CCDC138: variants seen among roughly 807,000 people sequenced by gnomAD.
CCDC138 encodes coiled-coil domain containing 138.
A neutral mutation model predicts 82.3 loss-of-function variants in CCDC138; 66 were observed. The ratio of observed to expected loss-of-function variants is 0.80; its 90% CI spans 0.66 to 0.98. CCDC138 has a LOEUF of 0.98. Ranked by LOEUF, CCDC138 falls within the 50% of genes least tolerant of loss-of-function variation. The pLI is 0.00. For missense variants in CCDC138, 816 were observed against 758.9 expected (o/e 1.08, Z -0.88); for synonymous variants, 297 against 265.4 (o/e 1.12, Z -1.16).
At chr2:108,871,667 A>G (rs911826342) in intron 13 of CCDC138, among the ~76,000 whole-genome samples, 14 of 152,328 alleles carry the variant, frequency 9.2e-5, no homozygotes, top group Middle Eastern at 6.8e-3. Context: ...CATTTTAACC[A>G]TTTTTTAATT....
intron 7 of CCDC138, among the ~76,000 whole-genome samples, chr2:108,809,353 A>T (rs1683384846): frequency 6.6e-6 from 1 of 151,686 alleles, no homozygotes; most frequent in African/African-American, 2.4e-5. Context: ...TCTGTGAAGG[A>T]TGTTGTTGGT....
At chr2:108,793,690 G>A (rs1680338743) in intron 4 of CCDC138, among the ~76,000 whole-genome samples, 1 of 151,426 alleles carries the variant, frequency 6.6e-6, no homozygotes, top group African/African-American at 2.4e-5. Flanking sequence ...TCCGCCTCCC[G>A]GATTCACGCC....
chr2:108,837,459 C>T lies in CCDC138; in HGVS notation c.1207-1726C>T, dbSNP rs946493187. Among the ~76,000 whole-genome samples the T allele has an allele frequency of 4.6e-5, 7 of 151,652 alleles. No homozygotes were observed. The East Asian group carries it at 5.8e-4, about 13-fold the overall frequency. On this transcript the variant is annotated intron_variant, in intron 10 of 14. Coordinates refer to ENST00000295124, the MANE Select transcript of CCDC138 (RefSeq NM_144978.3). Reference sequence around the variant, plus strand: ...AATGATGTTTAAGACAATGGTAGACCGTATATATGATGGTGGTCCCATAAT... The same window carrying T: ...AATGATGTTTAAGACAATGGTAGACTGTATATATGATGGTGGTCCCATAAT...
intron 10 of CCDC138, among the ~76,000 whole-genome samples, chr2:108,831,089 C>T (rs1007184753): frequency 4.6e-5 from 7 of 151,954 alleles, no homozygotes; most frequent in East Asian, 1.9e-4. Context: ...GCACCAGAAT[C>T]GCTTAAACCC....
intron 4 of CCDC138, among the ~76,000 whole-genome samples, chr2:108,793,251 G>A (rs1487023300): frequency 6.6e-6 from 1 of 151,192 alleles, no homozygotes; most frequent in Non-Finnish European, 1.5e-5. Flanking sequence ...TGTAGTCCCA[G>A]CTGCTCGGGA....
chr2:108,844,648 A>C (rs1025740936), intron 11 of CCDC138, among the ~76,000 whole-genome samples: 1 of 152,174 alleles, frequency 6.6e-6, no homozygotes, highest in Admixed American at 6.5e-5. Flanking sequence ...TTGTTTCAGC[A>C]AAAGTTTTAA....
intron 9 of CCDC138, among the ~76,000 whole-genome samples, chr2:108,813,545 TTA>T (rs1684262441): frequency 6.6e-6 from 1 of 152,342 alleles, no homozygotes; most frequent in East Asian, 1.9e-4. Context: ...GCATTTGCTA[TTA>T]TATTTCAGTC....
intron 10 of CCDC138, among the ~76,000 whole-genome samples, chr2:108,835,525 C>G (rs1688430415): frequency 6.6e-6 from 1 of 152,164 alleles, no homozygotes; most frequent in Non-Finnish European, 1.5e-5. Flanking sequence ...ATATTTTTCA[C>G]AAAGTATTGG....
chr2:108,788,823 A>G (rs775446330), intron 2 of CCDC138, 29 bp from the exon 3 acceptor site: 4 of 1,613,658 alleles, frequency 2.5e-6, no homozygotes, highest in East Asian at 4.5e-5. Context: ...TGTTGTGGTA[A>G]TCTTTCATGG....
chr2:108,814,535 A>G (rs1296429716), intron 9 of CCDC138, among the ~76,000 whole-genome samples: 2 of 151,982 alleles, frequency 1.3e-5, no homozygotes, highest in African/African-American at 2.4e-5. Flanking sequence ...TAATGCTACT[A>G]TTTATCATTT....
In CCDC138 at chr2:108,856,778, C is replaced by T. The variant is rs1390900803; in HGVS notation, c.1517-16C>T. ...ACTAGCAAAACTGCAGTTGATTGTA[C>T]ATAACTATTTTCCAGCTGATTACCT... On this transcript the variant is annotated splice_polypyrimidine_tract_variant and intron_variant, in intron 12 of 14. Coordinates refer to ENST00000295124, the MANE Select transcript of CCDC138 (RefSeq NM_144978.3). The T allele has an allele frequency of 1.2e-6, 2 of 1,608,616 alleles. No homozygotes were observed. The highest frequency in any genetic ancestry group is 2.7e-5 in the African/African-American group (2 of 74,414).
intron 7 of CCDC138, among the ~76,000 whole-genome samples, chr2:108,811,715 C>A (rs562698523): frequency 6.6e-6 from 1 of 152,212 alleles, no homozygotes; most frequent in Non-Finnish European, 1.5e-5. Context: ...ACTCTTCACT[C>A]AAATAGTGAA....
intron 10 of CCDC138, among the ~76,000 whole-genome samples, chr2:108,823,411 A>G (rs1686041694): frequency 6.6e-6 from 1 of 152,254 alleles, no homozygotes; most frequent in Non-Finnish European, 1.5e-5. Flanking sequence ...TGAATTCAAC[A>G]GTACAGTCAT....
intron 3 of CCDC138, among the ~76,000 whole-genome samples, chr2:108,790,627 G>A (rs116483871): frequency 0.024 from 3,684 of 152,276 alleles, 145 homozygotes; most frequent in African/African-American, 0.084. Flanking sequence ...GCTTGGACCC[G>A]GAGGCAGAGG....
intron 13 of CCDC138, among the ~76,000 whole-genome samples, chr2:108,863,807 A>T (rs577807181): frequency 1.3e-5 from 2 of 152,368 alleles, no homozygotes; most frequent in South Asian, 4.1e-4. Context: ...CTTCAGGGAT[A>T]TGTGGCACAG....
chr2:108,864,747 G>A (rs1400351980), intron 13 of CCDC138, among the ~76,000 whole-genome samples: 2 of 149,250 alleles, frequency 1.3e-5, no homozygotes, highest in African/African-American at 4.9e-5. Context: ...TGAGTTGAGA[G>A]TGTGCCTCTG....
chr2:108,834,281 C>T (rs1441870689), intron 10 of CCDC138, among the ~76,000 whole-genome samples: 2 of 149,708 alleles, frequency 1.3e-5, no homozygotes, highest in Admixed American at 6.6e-5. Context: ...GGCGCAATCT[C>T]GGCTCACTGC....
chr2:108,848,582 A>G (rs1393767614), intron 12 of CCDC138, among the ~76,000 whole-genome samples: 1 of 152,226 alleles, frequency 6.6e-6, no homozygotes, highest in Non-Finnish European at 1.5e-5. Flanking sequence ...GATGTCCCAT[A>G]TGGCTTAATG....
At chr2:108,826,958 T>C (rs1686717232) in intron 10 of CCDC138, among the ~76,000 whole-genome samples, 1 of 152,220 alleles carries the variant, frequency 6.6e-6, no homozygotes, top group Non-Finnish European at 1.5e-5. Context: ...TTTGTACTTA[T>C]TTTGAAAAGT....
Sources: allele counts gnomAD v4.1 joint callset (sites outside exome capture counted in the v4.1 genomes callset), GRCh38; gene constraint gnomAD v4.1.1; transcripts MANE v1.5; gene names NCBI Gene and HGNC (gene_info 2026-07-23, HGNC 2026-07-21).